Variants in GAS7 observed in about 807,000 individuals in gnomAD.
The protein encoded by GAS7 is growth arrest-specific protein 7.
Under a neutral mutation model 71.1 loss-of-function variants are expected in GAS7, and 28 were observed. The ratio of observed to expected loss-of-function variants is 0.39; its 90% CI spans 0.29 to 0.54. GAS7 has a LOEUF of 0.54. Among genes scored for constraint, GAS7 ranks in the 20% least tolerant of loss-of-function variants. The probability of loss-of-function intolerance (pLI) is 0.62; values close to 1 mark genes in which losing one functional copy is unlikely to be tolerated. For synonymous variants in GAS7, 258 were observed against 245.8 expected, an observed-to-expected ratio of 1.05 and a Z score of -0.46; for missense variants, 436 against 627.8, an observed-to-expected ratio of 0.69 and a Z score of 3.27.
intron 1 of GAS7, among the ~76,000 whole-genome samples, chr17:10,178,517 C>A (rs886772729): frequency 2.0e-5 from 3 of 152,068 alleles, no homozygotes; most frequent in Admixed American, 6.6e-5. Flanking sequence ...ACGCCCACCA[C>A]AGGGCTCCAG....
intron 2 of GAS7, among the ~76,000 whole-genome samples, chr17:10,018,053 T>C (rs2072112705): frequency 6.6e-6 from 1 of 152,226 alleles, no homozygotes; most frequent in South Asian, 2.1e-4. Flanking sequence ...TTTAAAAGAA[T>C]GGGTTAGACT....
intron 1 of GAS7, among the ~76,000 whole-genome samples, chr17:10,129,954 G>A (rs1479922530): frequency 2.6e-5 from 4 of 151,876 alleles, no homozygotes; most frequent in South Asian, 2.1e-4. Context: ...CAGGTGGATC[G>A]CGAGGTCAGG....
intron 9 of GAS7, among the ~76,000 whole-genome samples, chr17:9,927,608 C>T (rs1457882509): frequency 1.3e-5 from 2 of 152,222 alleles, no homozygotes; most frequent in Admixed American, 1.3e-4. Flanking sequence ...GAACTGAGAG[C>T]TTTCTGGGGA....
chr17:9,936,553 C>G (rs1040968297), intron 8 of GAS7, among the ~76,000 whole-genome samples: 1 of 152,190 alleles, frequency 6.6e-6, no homozygotes, highest in African/African-American at 2.4e-5. Context: ...TGTCTCCAGA[C>G]ATTCAGAGGG....
chr17:10,098,392 G>T (rs2073665778), intron 1 of GAS7, among the ~76,000 whole-genome samples: 1 of 152,194 alleles, frequency 6.6e-6, no homozygotes, highest in South Asian at 2.1e-4. Context: ...GTCCTGTAGT[G>T]GCTGCTTTTG....
intron 2 of GAS7, among the ~76,000 whole-genome samples, chr17:9,991,749 T>G (rs1287948782): frequency 6.6e-6 from 1 of 151,614 alleles, no homozygotes; most frequent in African/African-American, 2.4e-5. Flanking sequence ...GACCCAAACT[T>G]GGGTTGAAGG....
chr17:10,100,639 C>A (rs1281455199), intron 1 of GAS7, among the ~76,000 whole-genome samples: 1 of 152,088 alleles, frequency 6.6e-6, no homozygotes, highest in East Asian at 1.9e-4. Context: ...TGGGGCTGAT[C>A]CACCTCCCAA....
In GAS7 at chr17:9,943,180, G is replaced by A. The variant is rs778501448; in HGVS notation, c.672C>T (p.Leu224=). 7 of 1,613,770 alleles carry A rather than the reference G, an allele frequency of 4.3e-6. No individual in the cohort carries two copies. The South Asian group carries it at 6.6e-5, about 15-fold the overall frequency. Residue 224 remains leucine, a synonymous_variant, in exon 7 of 14, where the codon CTC becomes CTT. Transcript: ENST00000432992. ...NGTVAGFELL[L]QKQLKGKQMQ... ...TTTGTTTGCCCTTCAGCTGTTTCTG[G>A]AGCAGTAGTTCAAACCCAGCCACGG...
chr17:10,016,752 AATAATAATAATAATAAT>A (rs2072037101), intron 2 of GAS7, among the ~76,000 whole-genome samples: 1 of 5,700 alleles, frequency 1.8e-4, no homozygotes, highest in African/African-American at 2.9e-3. Flanking sequence ...CTCTACAAAA[AATAATAATAATAATAAT>A]AATAATAATA....
chr17:10,167,468 G>A (rs987044138), intron 1 of GAS7, among the ~76,000 whole-genome samples: 2 of 152,170 alleles, frequency 1.3e-5, no homozygotes, highest in Non-Finnish European at 2.9e-5. Context: ...AGATTAAGGA[G>A]AGAATGGGCT....
chr17:10,134,442 C>G (rs538882211), intron 1 of GAS7, among the ~76,000 whole-genome samples: 44 of 152,292 alleles, frequency 2.9e-4, no homozygotes, highest in African/African-American at 1.0e-3. Context: ...GATATATACC[C>G]AGTAGTGGGA....
intron 3 of GAS7, among the ~76,000 whole-genome samples, chr17:9,971,363 A>C (rs986621368): frequency 2.0e-5 from 3 of 152,186 alleles, no homozygotes; most frequent in African/African-American, 7.2e-5. Context: ...GTTTAAGATC[A>C]GCCCGGACAA....
intron 2 of GAS7, among the ~76,000 whole-genome samples, chr17:9,993,767 A>G (rs978055044): frequency 1.3e-5 from 2 of 150,960 alleles, no homozygotes; most frequent in Non-Finnish European, 1.5e-5. Context: ...ACATGATTGT[A>G]TATCTAGAAA....
chr17:10,061,958 C>T (rs921489041), intron 1 of GAS7, among the ~76,000 whole-genome samples: 1 of 152,154 alleles, frequency 6.6e-6, no homozygotes, highest in African/African-American at 2.4e-5. Flanking sequence ...CTGCTAAACA[C>T]TCAACAATGC....
chr17:10,152,743 C>T (rs1040822505), intron 1 of GAS7, among the ~76,000 whole-genome samples: 2 of 152,078 alleles, frequency 1.3e-5, no homozygotes, highest in South Asian at 2.1e-4. Flanking sequence ...GTGCAGGTGC[C>T]GCTTAGGTGC....
At chr17:10,166,618 C>T (rs2074295807) in intron 1 of GAS7, among the ~76,000 whole-genome samples, 1 of 152,202 alleles carries the variant, frequency 6.6e-6, no homozygotes, top group African/African-American at 2.4e-5. Flanking sequence ...TGTGCACACA[C>T]ACATTTTGTC....
intron 1 of GAS7, among the ~76,000 whole-genome samples, chr17:10,040,203 G>A (rs1422836847): frequency 6.6e-6 from 1 of 152,214 alleles, no homozygotes; most frequent in Non-Finnish European, 1.5e-5. Flanking sequence ...GATTGGGCAG[G>A]ATGGGTCAGA....
intron 2 of GAS7, among the ~76,000 whole-genome samples, chr17:9,985,754 G>A (rs933078035): frequency 1.3e-5 from 2 of 152,200 alleles, no homozygotes; most frequent in Non-Finnish European, 2.9e-5. Flanking sequence ...GGGTGAGAGG[G>A]GATCAACGGC....
intron 3 of GAS7, among the ~76,000 whole-genome samples, chr17:9,972,209 G>A (rs550246855): frequency 6.6e-6 from 1 of 152,308 alleles, no homozygotes; most frequent in South Asian, 2.1e-4. Flanking sequence ...TCAGGCAGCT[G>A]GCCAAGTGCA....
Sources: gnomAD v4.1 joint callset for allele counts (sites outside exome capture counted in the v4.1 genomes callset) on GRCh38, gnomAD v4.1.1 for gene constraint, MANE v1.5 for transcripts, NCBI Gene and HGNC (gene_info 2026-07-23, HGNC 2026-07-21) for gene names.